The following RAB37 variants were observed in gnomAD, a reference collection of about 807,000 sequenced individuals.
RAB37 encodes the protein RAB37, member RAS oncogene family.
In RAB37, 29 loss-of-function variants were observed where a neutral mutation model predicts 33.1. The observed-to-expected ratio is 0.88, with a 90% confidence interval of 0.65 to 1.20. The LOEUF (loss-of-function observed/expected upper bound fraction) is 1.20. Among genes scored for constraint, RAB37 ranks in the 50% most tolerant of loss-of-function variants. The probability of loss-of-function intolerance (pLI) is 0.00; values close to 1 mark genes in which losing one functional copy is unlikely to be tolerated. For synonymous variants in RAB37, 128 were observed against 119.5 expected (o/e 1.07, Z -0.47); for missense variants, 299 against 301.1 (o/e 0.99, Z 0.05).
At chr17:74,720,194 C>T (rs917077410) in intron 1 of RAB37, among the ~76,000 whole-genome samples, 1 of 152,186 alleles carries the variant, frequency 6.6e-6, no homozygotes, top group African/African-American at 2.4e-5. Context: ...GGTTCAGCCC[C>T]TCGTGAGAGG....
chr17:74,673,398 A>G (rs2031750171), intron 1 of RAB37, among the ~76,000 whole-genome samples: 2 of 111,028 alleles, frequency 1.8e-5, no homozygotes, highest in Admixed American at 2.1e-4. Context: ...ACAAAGCAAG[A>G]CCTTGTCTCA....
chr17:74,718,350 ATAT>A, intron 1 of RAB37, among the ~76,000 whole-genome samples: 1 of 151,792 alleles, frequency 6.6e-6, no homozygotes, highest in Non-Finnish European at 1.5e-5. Flanking sequence ...ATATCATATC[ATAT>A]CATATCATAT....
chr17:74,687,286 C>T lies in RAB37; in HGVS notation c.72+15628C>T, dbSNP rs143703304. Among the ~76,000 whole-genome samples the T allele has an allele frequency of 6.9e-3, 1,047 of 151,990 alleles. 32 individuals are homozygous for T. The East Asian group carries it at 0.11, about 17-fold the overall frequency. ...TCTCCCAGGCTGGAGTGCAATGGCA[C>T]GATCTTGGCTCACTGCAACCTCCAT... On this transcript the variant is annotated intron_variant, in intron 1 of 7. Coordinates refer to the RAB37 transcript ENST00000340415.
In RAB37 at chr17:74,744,722, T is replaced by G. The variant is rs2034708833; in HGVS notation, c.433-151T>G. 2 of 881,002 alleles carry G rather than the reference T, an allele frequency of 2.3e-6. No homozygotes were observed. The highest frequency in any genetic ancestry group is 2.5e-5 in the East Asian group (1 of 40,030). The allele number at this position is 881,002 out of a possible 1,614,324, so 54.6% of individuals were successfully genotyped here. A position where few individuals can be genotyped will look rare whatever the true frequency, so the allele number is the denominator to read the frequency against. On this transcript the variant is annotated intron_variant, in intron 6 of 8. Coordinates refer to ENST00000392613, the MANE Select transcript of RAB37 (RefSeq NM_001006638.3). This position sits in a 1 kb window ranked among gnomAD's most constrained non-coding sequence, Gnocchi z 4.2. ...GAGATCCCAGAGCTGGGAGCTACAC[T>G]GGGCAGAAACCCTGGCCCCAGGCCA...
intron 1 of RAB37, among the ~76,000 whole-genome samples, chr17:74,706,838 C>T (rs769333088): frequency 6.6e-6 from 1 of 152,134 alleles, no homozygotes; most frequent in African/African-American, 2.4e-5. Flanking sequence ...CACTCCAGCC[C>T]GGGTCCTGGG....
intron 1 of RAB37, among the ~76,000 whole-genome samples, chr17:74,700,743 C>T (rs2032973351): frequency 6.6e-6 from 1 of 152,108 alleles, no homozygotes; most frequent in African/African-American, 2.4e-5. Flanking sequence ...CAGAGCAACA[C>T]TCCGTCTCAA....
chr17:74,728,351 T>TTG lies in RAB37; in HGVS notation c.73-901_73-900dup, dbSNP rs536810758. ...TGTGTTTTATGTGTACTATGTGTAT[T>TTG]TGTGTTTGTGTGTGTAGATGTTTTT... On this transcript the variant is annotated intron_variant, in intron 1 of 7. Transcript: ENST00000340415. Among the ~76,000 whole-genome samples, 235 of 151,698 alleles carry TTG rather than the reference T, an allele frequency of 1.5e-3. 1 individual carries two copies. The East Asian group carries it at 0.021, about 14-fold the overall frequency.
At chr17:74,722,410 C>T (rs764821356) in intron 1 of RAB37, among the ~76,000 whole-genome samples, 89 of 152,154 alleles carry the variant, frequency 5.8e-4, no homozygotes, top group Non-Finnish European at 2.4e-4. Flanking sequence ...AGAGTTGATG[C>T]TACAAACACG....
rs777757102 is a variant in RAB37 at position 74,740,828 on chromosome 17, G to C, written c.154G>C (p.Gly52Arg). The change falls in exon 2 of 9, where the codon GGG (glycine) becomes CGG (arginine). Residue 52 changes from glycine (G) to arginine (R), a missense_variant. Physicochemically the swap from Gly to Arg is moderately radical, Grantham distance 125. Transcript: ENST00000392613. ...ATGTTTCCTGATCCAATTCAAAGAC[G>C]GGGCCTTCCTGTCCGGAACCTTCAT... Reference protein sequence around the residue: ...KTCFLIQFKDGAFLSGTFIAT... With the variant: ...KTCFLIQFKDRAFLSGTFIAT... 6.2e-7 allele frequency: 1 copy of C among 1,614,114 alleles called. No homozygotes were observed. Among genetic ancestry groups the C allele is most frequent in the Non-Finnish European group, 8.5e-7 (1 of 1,180,010 alleles).
At chr17:74,737,214 G>GGGGGC, upstream of RAB37, 1 of 1,245,296 alleles carries the variant, frequency 8.0e-7, no homozygotes. Flanking sequence ...CGGGGGTGGG[G>GGGGGC]CCGTTCCTGC....
At position 74,671,274 on chromosome 17, in the gene RAB37, C is replaced by T. The variant is rs2031697523; in HGVS notation, c.-313C>T. On this transcript the variant is annotated 5_prime_UTR_variant, in exon 1 of 8. Coordinates refer to the RAB37 transcript ENST00000340415. The surrounding 1 kb of genome is among the most constrained non-coding windows in gnomAD (Gnocchi z 5.0). ...ACCAGCCGGACCCAAATCTTGCGTC[C>T]CTGCCAGCATCCTGGAGTCCTAAGA... 1 of 332,718 alleles carries T rather than the reference C, an allele frequency of 3.0e-6. No individual in the cohort carries two copies. Among genetic ancestry groups the T allele is most frequent in the Admixed American group, 4.1e-5 (1 of 24,222 alleles). 20.6% of individuals were successfully genotyped at this position (332,718 alleles called of 1,614,324 possible).
At chr17:74,697,468 G>A (rs1203566167) in intron 1 of RAB37, among the ~76,000 whole-genome samples, 1 of 152,196 alleles carries the variant, frequency 6.6e-6, no homozygotes, top group Non-Finnish European at 1.5e-5. Context: ...ATGAATAAAA[G>A]TCAGGCTCTA....
At chr17:74,716,606 G>T (rs915937855) in intron 1 of RAB37, among the ~76,000 whole-genome samples, 5 of 152,098 alleles carry the variant, frequency 3.3e-5, no homozygotes, top group Non-Finnish European at 7.4e-5. Flanking sequence ...AGCAAGTGAC[G>T]TGTCCAAGGT....
intron 1 of RAB37, among the ~76,000 whole-genome samples, chr17:74,690,260 T>G (rs1295814619): frequency 6.6e-6 from 1 of 152,058 alleles, no homozygotes; most frequent in Non-Finnish European, 1.5e-5. Context: ...ATGCCTGGCC[T>G]GGAATCTTTA....
At chr17:74,721,734 G>T (rs2034243662) in intron 1 of RAB37, among the ~76,000 whole-genome samples, 1 of 151,950 alleles carries the variant, frequency 6.6e-6, no homozygotes, top group Admixed American at 6.6e-5. Flanking sequence ...TGGTCCTCTT[G>T]GTTTATTTTT....
At chr17:74,688,403 A>G (rs78951972) in intron 1 of RAB37, among the ~76,000 whole-genome samples, 1 of 152,048 alleles carries the variant, frequency 6.6e-6, no homozygotes, top group Non-Finnish European at 1.5e-5. Context: ...ATACAAAAAA[A>G]TTAGCCAGGC....
Position 74,727,691 on chromosome 17 carries a change from C to T in RAB37, c.73-1565C>T, listed in dbSNP as rs536650954. ...CCCCTGTGGATGGAAGTCTGAGAGA[C>T]ACATTCTCATGGTCACTTCAGATGC... On this transcript the variant is annotated intron_variant, in intron 1 of 7. Coordinates refer to the RAB37 transcript ENST00000340415. Among the ~76,000 whole-genome samples, 10 of 152,370 alleles carry T rather than the reference C, an allele frequency of 6.6e-5. No individual in the cohort carries two copies. In the South Asian group the frequency reaches 1.9e-3, roughly 28 times the overall value.
intron 1 of RAB37, among the ~76,000 whole-genome samples, chr17:74,728,217 C>T (rs1371236493): frequency 1.3e-5 from 2 of 151,118 alleles, no homozygotes; most frequent in Non-Finnish European, 2.9e-5. Flanking sequence ...TGTGTGTTTG[C>T]ATGTGTGCTT....
At position 74,708,698 on chromosome 17, in the gene RAB37, G is replaced by C. The variant is rs11077760; in HGVS notation, c.73-20558G>C. Among the ~76,000 whole-genome samples the C allele has an allele frequency of 2.0e-4, 30 of 152,028 alleles. 1 individual carries two copies. The highest frequency in any genetic ancestry group is 4.6e-4 in the Admixed American group (7 of 15,264). On this transcript the variant is annotated intron_variant, in intron 1 of 7. Transcript: ENST00000340415. ...TTGGGAGGCCAAGGCGGGCGGATCAGGAGGTGAGGAGATCGAGACCATCCT... is the reference window on the plus strand; with the variant it reads ...TTGGGAGGCCAAGGCGGGCGGATCACGAGGTGAGGAGATCGAGACCATCCT...
Sources: allele counts gnomAD v4.1 joint callset (sites outside exome capture counted in the v4.1 genomes callset), GRCh38; gene constraint gnomAD v4.1.1; non-coding constraint Gnocchi (gnomAD v3.1); transcripts MANE v1.5; gene names NCBI Gene and HGNC (gene_info 2026-07-23, HGNC 2026-07-21).